The following SPIDR variants were observed in gnomAD, a reference collection of about 807,000 sequenced individuals.
SPIDR encodes scaffold protein involved in DNA repair, also known as DNA repair-scaffolding protein.
A neutral mutation model predicts 104.6 loss-of-function variants in SPIDR; 93 were observed. That is an observed-to-expected ratio of 0.89 (90% CI 0.75 to 1.06). The LOEUF is 1.06. Among genes scored for constraint, SPIDR ranks in the 50% least tolerant of loss-of-function variants. The pLI is 0.00. For synonymous variants in SPIDR, 431 were observed against 416.9 expected (o/e 1.03, Z -0.41); for missense variants, 1,154 against 1,111.2 (o/e 1.04, Z -0.55).
At chr8:47,458,870 G>C (rs1030947826) in intron 8 of SPIDR, among the ~76,000 whole-genome samples, 10 of 151,924 alleles carry the variant, frequency 6.6e-5, no homozygotes, top group Non-Finnish European at 8.8e-5. Context: ...TTTGTGAAAT[G>C]CTTTATTTAA....
At position 47,440,402 on chromosome 8, in the gene SPIDR, G is replaced by A. The variant is rs2069185417; in HGVS notation, c.957G>A (p.Gln319=). Residue 319 remains glutamine, a synonymous_variant, in exon 8 of 20, where the codon CAG becomes CAA. Transcript: ENST00000297423. ...ECAMQVAMCE[Q]LLGSPATSSS... ...CCATGCAAGTTGCCATGTGTGAGCA[G>A]TTATTGGGGTCACCAGCCACCAGCT... 1.2e-6 allele frequency: 2 copies of A among 1,614,124 alleles called. No individual in the cohort carries two copies. The highest frequency in any genetic ancestry group is 1.7e-6 in the Non-Finnish European group (2 of 1,180,042).
intron 10 of SPIDR, among the ~76,000 whole-genome samples, chr8:47,647,056 A>G (rs1265303155): frequency 6.6e-6 from 1 of 152,180 alleles, no homozygotes; most frequent in Non-Finnish European, 1.5e-5. Flanking sequence ...AGCAACCTAA[A>G]TGTCAGTGTG....
At chr8:47,521,364 A>G (rs997392741) in intron 8 of SPIDR, among the ~76,000 whole-genome samples, 1 of 152,176 alleles carries the variant, frequency 6.6e-6, no homozygotes, top group Non-Finnish European at 1.5e-5. Flanking sequence ...GTGTGTGGCT[A>G]TAAATGAAGA....
At position 47,405,192 on chromosome 8, in the gene SPIDR, C is replaced by T. The variant is rs1006271607; in HGVS notation, c.777-2669C>T. On this transcript the variant is annotated intron_variant, in intron 6 of 19. Coordinates refer to ENST00000297423, the MANE Select transcript of SPIDR (RefSeq NM_001080394.4). ...ACACAGGAAGGGGAACATCACACAC[C>T]GGGGCCTGTCATGTGGTGGGGGGAT... 4.0e-5 allele frequency among the ~76,000 whole-genome samples: 6 copies of T among 151,126 alleles called. No homozygotes were observed. In the South Asian group the frequency reaches 1.0e-3, roughly 26 times the overall value.
intron 5 of SPIDR, among the ~76,000 whole-genome samples, chr8:47,319,591 G>A (rs112182686): frequency 2.6e-5 from 4 of 152,060 alleles, no homozygotes; most frequent in Admixed American, 6.5e-5. Context: ...TGCACCAAGC[G>A]GACCTAATAG....
At chr8:47,658,996 A>G (rs2073526600) in intron 10 of SPIDR, among the ~76,000 whole-genome samples, 2 of 151,256 alleles carry the variant, frequency 1.3e-5, no homozygotes, top group Non-Finnish European at 2.9e-5. Flanking sequence ...AGTGGCTTAC[A>G]CTTACAGTCC....
chr8:47,621,877 A>C lies in SPIDR; in HGVS notation c.1544+22681A>C, dbSNP rs1339716325. Among the ~76,000 whole-genome samples the C allele has an allele frequency of 2.0e-5, 3 of 152,168 alleles. No individual in the cohort carries two copies. The South Asian group carries it at 6.2e-4, about 31-fold the overall frequency. On this transcript the variant is annotated intron_variant, in intron 10 of 19. Coordinates refer to ENST00000297423, the MANE Select transcript of SPIDR (RefSeq NM_001080394.4). ...CTACTCAGGAGGCTGAGGCGGGAGA[A>C]TTGCTTGAACCCGGGAGGCGGAGGT... is the stretch of plus-strand genomic sequence containing the variant.
rs1308253378 is a variant in SPIDR, at chr8:47,290,608, C to G, written c.257-425C>G. ...TTAAGTGTTTTAAGCACCCTGCTAC[C>G]AGAGCTCTTAGCATGGCAAAGGAAG... is the stretch of plus-strand genomic sequence containing the variant. On this transcript the variant is annotated intron_variant, in intron 3 of 19. Transcript: ENST00000297423. Among the ~76,000 whole-genome samples, 5 of 152,162 alleles carry G rather than the reference C, an allele frequency of 3.3e-5. No individual in the cohort carries two copies. The East Asian group carries it at 9.6e-4, about 29-fold the overall frequency.
In SPIDR at chr8:47,688,016, AGT is replaced by A. The variant is rs141582845; in HGVS notation, c.1686-12359_1686-12358del. Among the ~76,000 whole-genome samples the A allele has an allele frequency of 6.4e-3, 927 of 145,692 alleles. 3 individuals carry two copies. Among genetic ancestry groups the A allele is most frequent in the South Asian group, 0.028 (128 of 4,562 alleles). On this transcript the variant is annotated intron_variant, in intron 11 of 19. Transcript: ENST00000297423. Reference sequence around the variant, plus strand: ...TGAGACCTGGCTGTCAAAAAAAAAAAGTGTGTGTGTGTGTGTGTGTGTGTGTG... The same window carrying A: ...TGAGACCTGGCTGTCAAAAAAAAAAAGTGTGTGTGTGTGTGTGTGTGTGTG...
intron 8 of SPIDR, among the ~76,000 whole-genome samples, chr8:47,519,620 TA>T (rs200888792): frequency 4.6e-5 from 7 of 151,576 alleles, no homozygotes; most frequent in African/African-American, 1.2e-4. Context: ...CTGTCTGTAG[TA>T]AAAAAAAATT....
intron 17 of SPIDR, 37 bp downstream of exon 17, chr8:47,727,330 T>G (rs2084401906): frequency 6.2e-7 from 1 of 1,600,636 alleles, no homozygotes; most frequent in Non-Finnish European, 8.6e-7. Flanking sequence ...GCCCTAGAAC[T>G]GAAAGGGCAC....
intron 8 of SPIDR, among the ~76,000 whole-genome samples, chr8:47,529,830 T>C (rs1342005956): frequency 2.6e-5 from 4 of 152,246 alleles, no homozygotes; most frequent in African/African-American, 4.8e-5. Context: ...TATTTTGTTA[T>C]TGTAAAGTAC....
intron 8 of SPIDR, among the ~76,000 whole-genome samples, chr8:47,534,201 C>T (rs1046564208): frequency 6.6e-6 from 1 of 152,166 alleles, no homozygotes; most frequent in Non-Finnish European, 1.5e-5. Flanking sequence ...AACTGTGAGT[C>T]GATTAAACCT....
chr8:47,579,628 T>A (rs1000836322), intron 8 of SPIDR, among the ~76,000 whole-genome samples: 1 of 152,214 alleles, frequency 6.6e-6, no homozygotes, highest in Non-Finnish European at 1.5e-5. Flanking sequence ...CCTTGTACAG[T>A]ACATATAAAT....
chr8:47,533,559 T>TA (rs1308247788), intron 8 of SPIDR, among the ~76,000 whole-genome samples: 3 of 152,048 alleles, frequency 2.0e-5, no homozygotes, highest in Non-Finnish European at 4.4e-5. Flanking sequence ...ATAAGGAACT[T>TA]AAACAAATTT....
At chr8:47,502,621 C>T (rs577743381) in intron 8 of SPIDR, among the ~76,000 whole-genome samples, 2 of 151,966 alleles carry the variant, frequency 1.3e-5, no homozygotes, top group Non-Finnish European at 2.9e-5. Context: ...AAGGGTTTTT[C>T]GTGTCTCTAT....
intron 8 of SPIDR, among the ~76,000 whole-genome samples, chr8:47,543,311 T>C (rs1281091083): frequency 6.6e-6 from 1 of 152,224 alleles, no homozygotes; most frequent in East Asian, 1.9e-4. Context: ...ATCCAGTTTC[T>C]CCATACCAGC....
At chr8:47,485,151 A>G (rs1284040442) in intron 8 of SPIDR, among the ~76,000 whole-genome samples, 1 of 152,200 alleles carries the variant, frequency 6.6e-6, no homozygotes, top group South Asian at 2.1e-4. Flanking sequence ...TCCCACCCTA[A>G]CACAGTGGTT....
chr8:47,337,730 A>G (rs2050033971), intron 5 of SPIDR, among the ~76,000 whole-genome samples: 1 of 150,342 alleles, frequency 6.7e-6, no homozygotes, highest in Admixed American at 6.6e-5. Flanking sequence ...AATTAGGTGT[A>G]TGGTCCGTTT....
Sources: allele counts gnomAD v4.1 joint callset (sites outside exome capture counted in the v4.1 genomes callset), GRCh38; gene constraint gnomAD v4.1.1; transcripts MANE v1.5; gene names NCBI Gene and HGNC (gene_info 2026-07-23, HGNC 2026-07-21).